ASXL2: variants seen among roughly 807,000 people sequenced by gnomAD.
ASXL2 encodes putative Polycomb group protein ASXL2.
Under a neutral mutation model 122.0 loss-of-function variants are expected in ASXL2, and 23 were observed. That is an observed-to-expected ratio of 0.19 (90% CI 0.14 to 0.27). The LOEUF is 0.27. Among genes scored for constraint, ASXL2 ranks in the 10% least tolerant of loss-of-function variants. ASXL2 has a pLI of 1.00. For missense variants in ASXL2, 1,518 were observed against 1,713.8 expected (o/e 0.89, Z 2.02); for synonymous variants, 650 against 637.0 (o/e 1.02, Z -0.31).
intron 1 of ASXL2, among the ~76,000 whole-genome samples, chr2:25,855,136 A>G (rs1043791145): frequency 6.6e-6 from 1 of 152,208 alleles, no homozygotes; most frequent in Non-Finnish European, 1.5e-5. Context: ...ATCACTCAAC[A>G]AAATAGCAAA....
intron 5 of ASXL2, among the ~76,000 whole-genome samples, chr2:25,779,824 C>T (rs2088605197): frequency 1.3e-5 from 2 of 152,112 alleles, no homozygotes; most frequent in South Asian, 2.1e-4. Context: ...CATTTTTATT[C>T]ATATTTTTCA....
chr2:25,756,259 ACT>A (rs1251112785), intron 9 of ASXL2, 145 bp from the exon 10 acceptor site: 5 of 402,078 alleles, frequency 1.2e-5, no homozygotes, highest in South Asian at 6.8e-5. Context: ...TGCTTATCCA[ACT>A]CTGTTATTTA....
chr2:25,818,269 G>A (rs565748130), intron 3 of ASXL2, among the ~76,000 whole-genome samples: 2 of 152,218 alleles, frequency 1.3e-5, no homozygotes, highest in South Asian at 2.1e-4. Context: ...AGCACTTTGG[G>A]AGGCCAAGAC....
chr2:25,834,562 A>C (rs2089487424), intron 3 of ASXL2, among the ~76,000 whole-genome samples: 1 of 152,236 alleles, frequency 6.6e-6, no homozygotes, highest in African/African-American at 2.4e-5. Flanking sequence ...AGAGTTAAAA[A>C]GACTAACTAC....
chr2:25,743,902 G>A lies in ASXL2; in HGVS notation c.2435C>T (p.Thr812Ile), dbSNP rs988407325. The A allele has an allele frequency of 2.5e-6, 4 of 1,613,914 alleles. No individual in the cohort carries two copies. The African/African-American group carries it at 5.3e-5, about 22-fold the overall frequency. ...DNEKLNPTRATATVASVSHPQ... is the reference protein window; with the variant it reads ...DNEKLNPTRAIATVASVSHPQ... ...ATGGCTGACAGAGGCCACTGTGGCT[G>A]TTGCTCTGGTGGGGTTCAGTTTTTC... The change falls in exon 13 of 13, where the codon ACA becomes ATA. Residue 812 changes from threonine to isoleucine, a missense_variant. This residue lies in a region of ASXL2 where 831 missense variants were observed against 833.1 expected (regional missense o/e 1.00). Transcript: ENST00000435504.
At chr2:25,831,431 C>G (rs749918324) in intron 3 of ASXL2, among the ~76,000 whole-genome samples, 1 of 152,154 alleles carries the variant, frequency 6.6e-6, no homozygotes, top group East Asian at 1.9e-4. Flanking sequence ...GAGGGCAAGG[C>G]AGGCAAACTG....
intron 2 of ASXL2, among the ~76,000 whole-genome samples, chr2:25,842,697 T>TAC (rs1260378594): frequency 3.0e-5 from 4 of 134,712 alleles, no homozygotes; most frequent in Non-Finnish European, 6.9e-5. Flanking sequence ...TGTGTGTATA[T>TAC]ATATATATAG....
chr2:25,781,699 T>C (rs2149161923), intron 5 of ASXL2, among the ~76,000 whole-genome samples: 1 of 145,264 alleles, frequency 6.9e-6, no homozygotes, highest in Admixed American at 7.0e-5. Flanking sequence ...GACAGAGTCA[T>C]TGCTCTGTTG....
chr2:25,776,492 T>C (rs2088548442), intron 5 of ASXL2, among the ~76,000 whole-genome samples: 1 of 152,214 alleles, frequency 6.6e-6, no homozygotes, highest in Admixed American at 6.5e-5. Context: ...TTTATGTATG[T>C]GCTTTTAGTC....
chr2:25,795,033 TGA>T (rs2088892101), intron 5 of ASXL2, among the ~76,000 whole-genome samples: 1 of 152,212 alleles, frequency 6.6e-6, no homozygotes, highest in South Asian at 2.1e-4. Flanking sequence ...GCATATTCTA[TGA>T]GAGACTAAAT....
chr2:25,809,319 T>C (rs2149175915), intron 3 of ASXL2, among the ~76,000 whole-genome samples: 1 of 152,150 alleles, frequency 6.6e-6, no homozygotes, highest in Non-Finnish European at 1.5e-5. Context: ...GAAATAACAT[T>C]GTCCAAAGAT....
At chr2:25,822,440 T>C in intron 3 of ASXL2, 1 of 352,066 alleles carries the variant, frequency 2.8e-6, no homozygotes, top group Non-Finnish European at 5.3e-6. Context: ...GCCGCCCACC[T>C]GTTCGCCCGT....
intron 1 of ASXL2, among the ~76,000 whole-genome samples, chr2:25,860,184 G>A (rs1396232064): frequency 6.6e-6 from 1 of 152,096 alleles, no homozygotes; most frequent in Non-Finnish European, 1.5e-5. Flanking sequence ...GGTGGCGCAT[G>A]CCTGTAATCC....
At chr2:25,767,436 G>A in intron 8 of ASXL2, 147 bp downstream of exon 8, 1 of 771,648 alleles carries the variant, frequency 1.3e-6, no homozygotes, top group Non-Finnish European at 2.0e-6. Flanking sequence ...CAGTAATTAT[G>A]TTAGCAACAA....
At chr2:25,845,225 G>C (rs2089635308) in intron 2 of ASXL2, 2 of 486,046 alleles carry the variant, frequency 4.1e-6, no homozygotes, top group South Asian at 1.7e-5. Flanking sequence ...GATGGCTCCA[G>C]GTCTTCCTAA....
chr2:25,777,155 C>T (rs75259641), intron 5 of ASXL2, among the ~76,000 whole-genome samples: 96 of 152,238 alleles, frequency 6.3e-4, no homozygotes, highest in Non-Finnish European at 1.2e-3. Flanking sequence ...GTGACATGAT[C>T]GCACCCCACT....
In ASXL2 at chr2:25,744,934, TCC is replaced by T. The variant is rs1491143963; in HGVS notation, c.1861-460_1861-459del. Among the ~76,000 whole-genome samples the T allele has an allele frequency of 9.7e-6, 1 of 102,718 alleles. No individual in the cohort carries two copies. The highest frequency in any genetic ancestry group is 2.1e-5 in the Non-Finnish European group (1 of 48,608). 67.4% of individuals were successfully genotyped at this position (102,718 alleles called of 152,430 possible). On this transcript the variant is annotated intron_variant, in intron 12 of 12. Transcript: ENST00000435504. This position sits in a 1 kb window ranked among gnomAD's most constrained non-coding sequence, Gnocchi z 4.7. Reference sequence around the variant, plus strand: ...GGGGAAAATACTTGCTCTTCTCTGTTCCACACACACACACACACACACACACA... The same window carrying T: ...GGGGAAAATACTTGCTCTTCTCTGTTACACACACACACACACACACACACA...
chr2:25,831,778 T>A (rs2089457029), intron 3 of ASXL2, among the ~76,000 whole-genome samples: 2 of 151,964 alleles, frequency 1.3e-5, no homozygotes, highest in Admixed American at 6.6e-5. Context: ...TAAATCTAAA[T>A]AAGTCCACCA....
chr2:25,741,468 G>A lies in ASXL2; in HGVS notation c.*561C>T, dbSNP rs571158285. On this transcript the variant is annotated 3_prime_UTR_variant, in exon 13 of 13. Coordinates refer to ENST00000435504, the MANE Select transcript of ASXL2 (RefSeq NM_018263.6). ...TTCCTTACCAAAAATTTCAATTTAAGAAGATTCCACCTAAGGTAAAGGGAC... is the reference window on the plus strand; with the variant it reads ...TTCCTTACCAAAAATTTCAATTTAAAAAGATTCCACCTAAGGTAAAGGGAC... 1.0e-4 allele frequency: 23 copies of A among 230,512 alleles called. No homozygotes were observed. Among genetic ancestry groups the A allele is most frequent in the African/African-American group, 4.2e-4 (19 of 45,232 alleles). 14.3% of individuals were successfully genotyped at this position (230,512 alleles called of 1,614,324 possible).
Sources: gnomAD v4.1 joint callset for allele counts (sites outside exome capture counted in the v4.1 genomes callset) on GRCh38, gnomAD v4.1.1 for gene constraint, gnomAD v4.1.1 regional missense constraint, Gnocchi (gnomAD v3.1) non-coding constraint, MANE v1.5 for transcripts, NCBI Gene and HGNC (gene_info 2026-07-23, HGNC 2026-07-21) for gene names.